NDST3: variants seen among roughly 807,000 people sequenced by gnomAD.
NDST3 encodes N-deacetylase and N-sulfotransferase 3.
In NDST3, 58 loss-of-function variants were observed where a neutral mutation model predicts 96.1. That is an observed-to-expected ratio of 0.60 (90% CI 0.49 to 0.75). The LOEUF is 0.75. NDST3 is among the 30% of genes least tolerant of loss of function. The pLI is 0.00. For missense variants in NDST3, 788 were observed against 1,034.2 expected, an observed-to-expected ratio of 0.76 and a Z score of 3.27; for synonymous variants, 333 against 359.7, an observed-to-expected ratio of 0.93 and a Z score of 0.84.
intron 2 of NDST3, among the ~76,000 whole-genome samples, chr4:118,058,690 T>C (rs1467545008): frequency 6.6e-6 from 1 of 151,560 alleles, no homozygotes; most frequent in Non-Finnish European, 1.5e-5. Flanking sequence ...TGGATGAGTT[T>C]TAGTGACGTT....
chr4:118,198,217 T>C (rs1737829305), intron 6 of NDST3, among the ~76,000 whole-genome samples: 1 of 152,206 alleles, frequency 6.6e-6, no homozygotes, highest in African/African-American at 2.4e-5. Flanking sequence ...TTTCTGGCTG[T>C]TTTGTGGTCT....
intron 6 of NDST3, among the ~76,000 whole-genome samples, chr4:118,162,459 A>G (rs1252048197): frequency 6.6e-6 from 1 of 151,978 alleles, no homozygotes; most frequent in Non-Finnish European, 1.5e-5. Flanking sequence ...ATCTACAACT[A>G]TCTGATCTTT....
chr4:118,251,104 A>ATTTATTTG (rs1282810707), intron 12 of NDST3, among the ~76,000 whole-genome samples: 6 of 139,158 alleles, frequency 4.3e-5, no homozygotes, highest in African/African-American at 1.3e-4. Context: ...TTATTTATTT[A>ATTTATTTG]TTTATTTATT....
At chr4:118,183,567 GGGA>G (rs1736737460) in intron 6 of NDST3, among the ~76,000 whole-genome samples, 4 of 151,990 alleles carry the variant, frequency 2.6e-5, no homozygotes, top group Non-Finnish European at 5.9e-5. Flanking sequence ...CCTATCATTT[GGGA>G]AATTTCAGAG....
intron 6 of NDST3, among the ~76,000 whole-genome samples, chr4:118,162,793 T>C (rs2125927532): frequency 6.7e-6 from 1 of 148,894 alleles, no homozygotes; most frequent in East Asian, 2.0e-4. Flanking sequence ...CAAAAGAAAC[T>C]ACCATCAGCG....
At position 118,255,854 on chromosome 4, in the gene NDST3, A is replaced by T. The variant is rs1742090073; in HGVS notation, c.*142A>T. 2.0e-6 allele frequency: 2 copies of T among 993,110 alleles called. No homozygotes were observed. The highest frequency in any genetic ancestry group is 6.8e-5 in the Admixed American group (2 of 29,350). The allele number at this position is 993,110 out of a possible 1,614,324, so 61.5% of individuals were successfully genotyped here. A position where few individuals can be genotyped will look rare whatever the true frequency, so the allele number is the denominator to read the frequency against. ...GTTTCTTCCATGTGCTGGCACGTGG[A>T]TGATTAGAAAAAAAGAAAAAGTATG... On this transcript the variant is annotated 3_prime_UTR_variant, in exon 14 of 14. Coordinates refer to ENST00000296499, the MANE Select transcript of NDST3 (RefSeq NM_004784.3).
chr4:118,205,936 C>T lies in NDST3; in HGVS notation c.1540-18555C>T, dbSNP rs946544201. ...CAAGCTCCGCCTCCCAGGTTCACAC[C>T]CTTCTCCTGCCTCAGCCTCCCGAGT... On this transcript the variant is annotated intron_variant, in intron 6 of 13. Transcript: ENST00000296499. Among the ~76,000 whole-genome samples, 11 of 141,720 alleles carry T rather than the reference C, an allele frequency of 7.8e-5. 2 individuals carry two copies. The highest frequency in any genetic ancestry group is 1.4e-4 in the Non-Finnish European group (9 of 64,232). The allele number at this position is 141,720 out of a possible 152,430, so 93.0% of individuals were successfully genotyped here.
chr4:118,225,460 T>C (rs1225697592), intron 7 of NDST3, among the ~76,000 whole-genome samples: 3 of 152,220 alleles, frequency 2.0e-5, no homozygotes, highest in Non-Finnish European at 2.9e-5. Context: ...GGTACAGTTA[T>C]GATTTGCATT....
intron 2 of NDST3, among the ~76,000 whole-genome samples, chr4:118,076,534 G>T (rs1336261955): frequency 6.6e-6 from 1 of 152,054 alleles, no homozygotes; most frequent in East Asian, 1.9e-4. Context: ...AGTTAATTAG[G>T]AAAACCAGTC....
At chr4:118,157,183 G>C (rs1246021992) in intron 6 of NDST3, among the ~76,000 whole-genome samples, 1 of 151,858 alleles carries the variant, frequency 6.6e-6, no homozygotes, top group Admixed American at 6.6e-5. Context: ...ATTAAGGGAG[G>C]AAAAAGTGGG....
At chr4:118,174,313 TA>T (rs1435280611) in intron 6 of NDST3, among the ~76,000 whole-genome samples, 2 of 151,588 alleles carry the variant, frequency 1.3e-5, no homozygotes, top group Admixed American at 6.6e-5. Context: ...AAAAGAAAAA[TA>T]AAAAAGGAGC....
chr4:118,044,311 C>T lies in NDST3; in HGVS notation c.-155-9445C>T, dbSNP rs532001278. Among the ~76,000 whole-genome samples, 6 of 152,286 alleles carry T rather than the reference C, an allele frequency of 3.9e-5. No individual in the cohort carries two copies. The South Asian group carries it at 1.0e-3, about 26-fold the overall frequency. ...TAACTGTAAAAGCGCAATTACTTAT[C>T]AAAATGAAATAACTATAATTACAAT... On this transcript the variant is annotated intron_variant, in intron 1 of 13. Transcript: ENST00000296499.
intron 6 of NDST3, among the ~76,000 whole-genome samples, chr4:118,220,671 G>A (rs1739479368): frequency 1.3e-5 from 2 of 151,896 alleles, no homozygotes; most frequent in South Asian, 4.1e-4. Context: ...TCACATGTCT[G>A]TATGAACCAG....
At chr4:118,067,941 A>G (rs995865474) in intron 2 of NDST3, among the ~76,000 whole-genome samples, 4 of 152,052 alleles carry the variant, frequency 2.6e-5, no homozygotes, top group Non-Finnish European at 5.9e-5. Context: ...ATAAAAAGAA[A>G]AAAGAAAAAA....
At position 118,054,678 on chromosome 4, in the gene NDST3, T is replaced by C. The variant is rs373617571; in HGVS notation, c.768T>C (p.Thr256=). 2 of 1,613,258 alleles carry C rather than the reference T, an allele frequency of 1.2e-6. No homozygotes were observed. The highest frequency in any genetic ancestry group is 1.3e-5 in the African/African-American group (1 of 74,872). ...PSISKGAFYA[T]IIHDLGLHDG... ...TCTCTAAAGGTGCTTTTTATGCCACTATTATACATGACCTGGGGCTTCATG... is the reference window on the plus strand; with the variant it reads ...TCTCTAAAGGTGCTTTTTATGCCACCATTATACATGACCTGGGGCTTCATG... The change falls in exon 2 of 14, where the codon ACT becomes ACC. Residue 256 remains threonine (T), a synonymous_variant. Transcript: ENST00000296499.
intron 2 of NDST3, among the ~76,000 whole-genome samples, chr4:118,098,413 A>G (rs1361571558): frequency 1.3e-5 from 2 of 152,010 alleles, no homozygotes; most frequent in Non-Finnish European, 1.5e-5. Flanking sequence ...TATTTTGACT[A>G]AGCATGTCAA....
Position 118,255,597 on chromosome 4 carries a change from G to C in NDST3, c.2507G>C (p.Arg836Thr). Residue 836 changes from arginine to threonine, a missense_variant, in exon 14 of 14, where the codon AGG becomes ACG. Arg to Thr is a moderately conservative substitution (Grantham distance 71, BLOSUM62 -1). This residue lies in a region of NDST3 where 64 missense variants were observed against 68.5 expected (regional missense o/e 0.93). Coordinates refer to ENST00000296499, the MANE Select transcript of NDST3 (RefSeq NM_004784.3). Reference sequence around the variant, plus strand: ...TCTCTCCTCCTCTCCACTTAGAGCAGGACATTTCTGTCAAGCTACTATCGA... The same window carrying C: ...TCTCTCCTCCTCTCCACTTAGAGCACGACATTTCTGTCAAGCTACTATCGA... Reference protein sequence around the residue: ...RKYPPMDSDSRTFLSSYYRDH... With the variant: ...RKYPPMDSDSTTFLSSYYRDH... The C allele has an allele frequency of 6.2e-7, 1 of 1,611,462 alleles. No individual in the cohort carries two copies. The highest frequency in any genetic ancestry group is 8.5e-7 in the Non-Finnish European group (1 of 1,178,432).
intron 1 of NDST3, among the ~76,000 whole-genome samples, chr4:118,047,343 A>T (rs1460501362): frequency 6.6e-6 from 1 of 152,228 alleles, no homozygotes; most frequent in East Asian, 1.9e-4. Context: ...CAATTTAAAA[A>T]GTCAGAGTGT....
chr4:118,067,517 T>C (rs1044243189), intron 2 of NDST3, among the ~76,000 whole-genome samples: 6 of 152,110 alleles, frequency 3.9e-5, no homozygotes, highest in African/African-American at 1.2e-4. Context: ...ATATCTCCAA[T>C]AGCATTGTCA....
Sources: allele counts gnomAD v4.1 joint callset (sites outside exome capture counted in the v4.1 genomes callset), GRCh38; gene constraint gnomAD v4.1.1; regional missense constraint gnomAD v4.1.1; transcripts MANE v1.5; gene names NCBI Gene and HGNC (gene_info 2026-07-23, HGNC 2026-07-21).